The following LUZP2 variants were observed in gnomAD, a reference collection of about 807,000 sequenced individuals.
LUZP2 encodes leucine zipper protein 2.
A neutral mutation model predicts 51.6 loss-of-function variants in LUZP2; 52 were observed. That is an observed-to-expected ratio of 1.01 (90% CI 0.81 to 1.27). The LOEUF (loss-of-function observed/expected upper bound fraction) is 1.27. Ranked by LOEUF, LUZP2 falls within the 50% of genes most tolerant of loss-of-function variation. The pLI is 0.00. For synonymous variants in LUZP2, 154 were observed against 137.3 expected (o/e 1.12, Z -0.85); for missense variants, 436 against 395.4 (o/e 1.10, Z -0.87).
At chr11:24,523,798 A>T (rs1850717773) in intron 1 of LUZP2, among the ~76,000 whole-genome samples, 7 of 151,742 alleles carry the variant, frequency 4.6e-5, no homozygotes, top group Admixed American at 6.6e-5. Context: ...TTTTGATCCC[A>T]ACAAAATACC....
chr11:25,006,625 T>A (rs1297551162), intron 9 of LUZP2, among the ~76,000 whole-genome samples: 2 of 152,104 alleles, frequency 1.3e-5, no homozygotes, highest in Non-Finnish European at 2.9e-5. Context: ...AGCCCCCAAA[T>A]TCTAAGGAAA....
chr11:24,991,392 G>GTATATATA (rs770909829), intron 9 of LUZP2, among the ~76,000 whole-genome samples: 4,734 of 103,858 alleles, frequency 0.046, 138 homozygotes, highest in Admixed American at 0.063. Flanking sequence ...GTGTGTGTGT[G>GTATATATA]TGTGTATATA....
rs1487897783 is a variant in LUZP2 at position 24,507,606 on chromosome 11, T to C, written c.62+10301T>C. Among the ~76,000 whole-genome samples the C allele has an allele frequency of 2.0e-5, 3 of 152,136 alleles. No homozygotes were observed. The East Asian group carries it at 5.8e-4, about 29-fold the overall frequency. On this transcript the variant is annotated intron_variant, in intron 1 of 11. Coordinates refer to ENST00000336930, the MANE Select transcript of LUZP2 (RefSeq NM_001009909.4). Reference sequence around the variant, plus strand: ...AAAAGGTGAAATGTCTGAGATAAACTACAAAGAATTCACACTTAACTTTCT... The same window carrying C: ...AAAAGGTGAAATGTCTGAGATAAACCACAAAGAATTCACACTTAACTTTCT...
chr11:24,673,656 T>C (rs185002217), intron 1 of LUZP2, among the ~76,000 whole-genome samples: 273 of 152,268 alleles, frequency 1.8e-3, no homozygotes, highest in South Asian at 1.5e-3. Flanking sequence ...TAATTATTTG[T>C]TGGGGGAGCC....
chr11:24,881,861 A>G (rs1345157967), intron 5 of LUZP2, among the ~76,000 whole-genome samples: 2 of 152,080 alleles, frequency 1.3e-5, no homozygotes, highest in East Asian at 3.8e-4. Context: ...AAATATGTAT[A>G]CTTGTAAAAT....
chr11:24,961,794 T>C (rs1855417173), intron 7 of LUZP2, among the ~76,000 whole-genome samples: 1 of 150,198 alleles, frequency 6.7e-6, no homozygotes, highest in African/African-American at 2.4e-5. Flanking sequence ...GTCATTATGA[T>C]GTTAGCTGGT....
At chr11:24,531,984 G>A (rs1372846898) in intron 1 of LUZP2, among the ~76,000 whole-genome samples, 1 of 150,840 alleles carries the variant, frequency 6.6e-6, no homozygotes, top group Non-Finnish European at 1.5e-5. Flanking sequence ...AATCCAAGCT[G>A]CTGCAATTTT....
At chr11:24,754,841 C>T (rs1006205889) in intron 4 of LUZP2, among the ~76,000 whole-genome samples, 22 of 152,128 alleles carry the variant, frequency 1.4e-4, no homozygotes, top group Non-Finnish European at 2.9e-5. Context: ...TTCTACTCTG[C>T]ATCATTTAAA....
intron 1 of LUZP2, among the ~76,000 whole-genome samples, chr11:24,658,207 G>A (rs984135848): frequency 6.6e-6 from 1 of 152,128 alleles, no homozygotes; most frequent in African/African-American, 2.4e-5. Context: ...AACCAGCATG[G>A]TACTGGTACC....
intron 1 of LUZP2, among the ~76,000 whole-genome samples, chr11:24,727,062 G>A (rs1457277840): frequency 6.6e-6 from 1 of 151,850 alleles, no homozygotes; most frequent in East Asian, 1.9e-4. Context: ...ATTTAAATTG[G>A]TTCTGTTTTC....
intron 1 of LUZP2, among the ~76,000 whole-genome samples, chr11:24,695,997 G>T (rs1857236441): frequency 6.6e-6 from 1 of 152,054 alleles, no homozygotes; most frequent in African/African-American, 2.4e-5. Context: ...CTTGGGATCG[G>T]TATATGTGTG....
At chr11:25,067,499 T>TTAAA (rs1190635547) in intron 10 of LUZP2, among the ~76,000 whole-genome samples, 2 of 151,934 alleles carry the variant, frequency 1.3e-5, no homozygotes, top group African/African-American at 4.8e-5. Flanking sequence ...CTTCTAGGGT[T>TTAAA]TTTATGGTTT....
chr11:24,597,681 C>T (rs181352792), intron 1 of LUZP2, among the ~76,000 whole-genome samples: 5 of 152,186 alleles, frequency 3.3e-5, no homozygotes, highest in Admixed American at 2.0e-4. Flanking sequence ...AATAAAAGTG[C>T]GTTTTTCTTG....
intron 1 of LUZP2, among the ~76,000 whole-genome samples, chr11:24,668,041 G>T (rs775525950): frequency 9.2e-5 from 14 of 152,188 alleles, no homozygotes; most frequent in Non-Finnish European, 2.1e-4. Context: ...CTGTAATAAA[G>T]ACTATAGCAG....
chr11:24,986,481 A>T (rs1391073960), intron 9 of LUZP2, among the ~76,000 whole-genome samples: 3 of 151,362 alleles, frequency 2.0e-5, no homozygotes, highest in African/African-American at 7.3e-5. Flanking sequence ...GTAGAAATTG[A>T]CTAACACTAT....
rs867578860 is a variant in LUZP2 at position 24,878,062 on chromosome 11, A to G, written c.397-27929A>G. On this transcript the variant is annotated intron_variant, in intron 5 of 11. Coordinates refer to ENST00000336930, the MANE Select transcript of LUZP2 (RefSeq NM_001009909.4). ...TTTAGTCTTCCTACTTGGTAAGAGT[A>G]ACTTACACATGATAGTTACGGTGTT... 5.9e-4 allele frequency among the ~76,000 whole-genome samples: 88 copies of G among 149,812 alleles called. 1 individual carries two copies. The highest frequency in any genetic ancestry group is 2.0e-3 in the African/African-American group (82 of 40,960).
chr11:24,527,923 A>T (rs1279669665), intron 1 of LUZP2, among the ~76,000 whole-genome samples: 1 of 151,302 alleles, frequency 6.6e-6, no homozygotes, highest in East Asian at 1.9e-4. Context: ...GTGCTAAAGC[A>T]TTTGGTTTTG....
At chr11:24,847,896 C>T (rs751651400) in intron 5 of LUZP2, among the ~76,000 whole-genome samples, 10 of 152,066 alleles carry the variant, frequency 6.6e-5, no homozygotes, top group Admixed American at 1.3e-4. Flanking sequence ...TCAAAACTTA[C>T]GCTATCTCAG....
At chr11:24,927,181 A>G (rs1854305694) in intron 7 of LUZP2, among the ~76,000 whole-genome samples, 1 of 151,692 alleles carries the variant, frequency 6.6e-6, no homozygotes, top group South Asian at 2.1e-4. Flanking sequence ...ACAAAAATAT[A>G]GATTGTGAAG....
Sources: allele counts gnomAD v4.1 joint callset (sites outside exome capture counted in the v4.1 genomes callset), GRCh38; gene constraint gnomAD v4.1.1; transcripts MANE v1.5; gene names NCBI Gene and HGNC (gene_info 2026-07-23, HGNC 2026-07-21).